SEMA6D: variants seen among roughly 807,000 people sequenced by gnomAD.
The protein encoded by SEMA6D is semaphorin 6D.
A neutral mutation model predicts 106.6 loss-of-function variants in SEMA6D; 35 were observed. The observed-to-expected ratio is 0.33, with a 90% confidence interval of 0.25 to 0.44. The LOEUF is 0.44. SEMA6D is among the 20% of genes least tolerant of loss of function. SEMA6D has a pLI of 1.00. For synonymous variants in SEMA6D, 499 were observed against 487.7 expected, an observed-to-expected ratio of 1.02 and a Z score of -0.31; for missense variants, 1,185 against 1,345.9, an observed-to-expected ratio of 0.88 and a Z score of 1.87.
At position 47,763,077 on chromosome 15, in the gene SEMA6D, C is replaced by T. The variant is rs1597060763; in HGVS notation, c.720C>T (p.Ile240=). Residue 240 remains isoleucine (I), a synonymous_variant, in exon 9 of 19, where the codon ATC becomes ATT. Coordinates refer to ENST00000536845, the MANE Select transcript of SEMA6D (RefSeq NM_001358351.3). The part of the protein sequence containing the change: ...GNYVYFFFRE[I]AVEHNNLGKA... ...ATGTCTATTTCTTCTTTCGAGAAAT[C>T]GCTGTCGAACATAATAATTTAGGCA... The T allele has an allele frequency of 1.2e-6, 2 of 1,612,322 alleles. No homozygotes were observed. Among genetic ancestry groups the T allele is most frequent in the Non-Finnish European group, 1.7e-6 (2 of 1,179,084 alleles).
intron 4 of SEMA6D, among the ~76,000 whole-genome samples, chr15:47,681,951 A>G (rs1205338517): frequency 6.6e-6 from 1 of 152,218 alleles, no homozygotes; most frequent in African/African-American, 2.4e-5. Flanking sequence ...TTTAAAAAAA[A>G]GCTTTTAGGT....
At chr15:47,202,839 A>T (rs2141099237) in intron 1 of SEMA6D, among the ~76,000 whole-genome samples, 1 of 152,226 alleles carries the variant, frequency 6.6e-6, no homozygotes, top group East Asian at 1.9e-4. Flanking sequence ...GGTAACAATT[A>T]CACTTCTAAG....
At chr15:47,636,135 G>T (rs770404078) in intron 4 of SEMA6D, among the ~76,000 whole-genome samples, 1 of 151,968 alleles carries the variant, frequency 6.6e-6, no homozygotes, top group Non-Finnish European at 1.5e-5. Context: ...AATATTTTAG[G>T]GATGATAGAA....
intron 4 of SEMA6D, chr15:47,606,440 A>T (rs1280579631): frequency 1.3e-5 from 2 of 152,186 alleles, no homozygotes. Context: ...GGCACTATGG[A>T]CAAAGATAGA....
chr15:47,475,784 T>C (rs1231019525), intron 3 of SEMA6D, among the ~76,000 whole-genome samples: 1 of 152,204 alleles, frequency 6.6e-6, no homozygotes, highest in African/African-American at 2.4e-5. Context: ...AAAAAATAAT[T>C]ACTTTTTCCA....
intron 4 of SEMA6D, among the ~76,000 whole-genome samples, chr15:47,677,200 G>A (rs1373452095): frequency 1.3e-5 from 2 of 152,096 alleles, no homozygotes; most frequent in Non-Finnish European, 2.9e-5. Context: ...GGGGACCCCT[G>A]TTGTAAAGGT....
At chr15:47,233,917 T>C (rs1183636343) in intron 1 of SEMA6D, among the ~76,000 whole-genome samples, 1 of 152,006 alleles carries the variant, frequency 6.6e-6, no homozygotes, top group Non-Finnish European at 1.5e-5. Flanking sequence ...TTCCTTTTCT[T>C]GTCTTATTGC....
At chr15:47,474,433 C>G (rs1284677986) in intron 3 of SEMA6D, among the ~76,000 whole-genome samples, 1 of 152,108 alleles carries the variant, frequency 6.6e-6, no homozygotes, top group East Asian at 1.9e-4. Flanking sequence ...ACTTTTATTT[C>G]TAGGCAATGA....
rs1285158273 is a variant in SEMA6D at position 47,552,856 on chromosome 15, ATATATATATTTT to A, written c.-86-47999_-86-47988del. On this transcript the variant is annotated intron_variant, in intron 3 of 19. Transcript: ENST00000558014. ...TATATATATATAAATATATATAAAT[ATATATATATTTT>A]TATATATATATAAATATATATAAAT... 1.6e-4 allele frequency among the ~76,000 whole-genome samples: 11 copies of A among 69,458 alleles called. 2 individuals are homozygous for A. The Admixed American group carries it at 2.3e-3, about 14-fold the overall frequency. The allele number at this position is 69,458 out of a possible 152,430, so 45.6% of individuals were successfully genotyped here. A position where few individuals can be genotyped will look rare whatever the true frequency, so the allele number is the denominator to read the frequency against.
At chr15:47,694,415 T>G (rs12593611) in intron 4 of SEMA6D, among the ~76,000 whole-genome samples, 56,311 of 151,880 alleles carry the variant, frequency 0.37, 11,560 homozygotes, top group Middle Eastern at 0.5. Context: ...GCACCCCAAT[T>G]TGAGAACTTA....
chr15:47,445,579 CAT>C (rs2042005118), intron 2 of SEMA6D, among the ~76,000 whole-genome samples: 1 of 152,030 alleles, frequency 6.6e-6, no homozygotes, highest in Non-Finnish European at 1.5e-5. Flanking sequence ...TTTGATTTAA[CAT>C]AGAATTTTTC....
At chr15:47,563,520 A>G (rs1028455932) in intron 3 of SEMA6D, among the ~76,000 whole-genome samples, 16 of 152,154 alleles carry the variant, frequency 1.1e-4, no homozygotes, top group Non-Finnish European at 4.4e-5. Context: ...TTCTTCAGTA[A>G]TCATCTCCAC....
chr15:47,408,943 G>A (rs1347905947), intron 1 of SEMA6D, among the ~76,000 whole-genome samples: 1 of 152,210 alleles, frequency 6.6e-6, no homozygotes, highest in Non-Finnish European at 1.5e-5. Flanking sequence ...ATCTGCATGA[G>A]TGCAAGGACT....
intron 4 of SEMA6D, among the ~76,000 whole-genome samples, chr15:47,658,817 C>T (rs2145143653): frequency 1.3e-5 from 2 of 152,138 alleles, no homozygotes; most frequent in African/African-American, 4.8e-5. Flanking sequence ...TGTCATTTAA[C>T]TTCCCTAGAT....
chr15:47,636,555 G>T (rs151116625), intron 4 of SEMA6D, among the ~76,000 whole-genome samples: 10 of 152,178 alleles, frequency 6.6e-5, no homozygotes, highest in African/African-American at 2.4e-4. Flanking sequence ...CTCTCAAGAT[G>T]CCCCACCCCT....
chr15:47,375,170 C>A (rs2039406718), intron 1 of SEMA6D, among the ~76,000 whole-genome samples: 1 of 152,164 alleles, frequency 6.6e-6, no homozygotes, highest in African/African-American at 2.4e-5. Flanking sequence ...GGTATAGATG[C>A]TCTGAAAACA....
chr15:47,711,323 A>AAG (rs1268508092), intron 4 of SEMA6D, among the ~76,000 whole-genome samples: 6 of 151,672 alleles, frequency 4.0e-5, no homozygotes, highest in Admixed American at 3.9e-4. Context: ...AAAAAAAAAA[A>AAG]AAAAAAAATG....
At chr15:47,378,586 A>G (rs1258174136) in intron 1 of SEMA6D, among the ~76,000 whole-genome samples, 1 of 152,184 alleles carries the variant, frequency 6.6e-6, no homozygotes. Flanking sequence ...TAGCTTGCTT[A>G]TTTCAGCTAG....
chr15:47,714,562 A>G (rs2079075732), upstream of SEMA6D, among the ~76,000 whole-genome samples: 2 of 152,222 alleles, frequency 1.3e-5, no homozygotes, highest in Admixed American at 1.3e-4. Context: ...TGTAAACAAA[A>G]TGACTACTTT....
Sources: allele counts gnomAD v4.1 joint callset (sites outside exome capture counted in the v4.1 genomes callset), GRCh38; gene constraint gnomAD v4.1.1; transcripts MANE v1.5; gene names NCBI Gene and HGNC (gene_info 2026-07-23, HGNC 2026-07-21).